ARF4: variants seen among roughly 807,000 people sequenced by gnomAD.
The protein encoded by ARF4 is ADP-ribosylation factor 4.
ARF4 carries 5 observed loss-of-function variants against 24.3 expected under a neutral mutation model. The ratio of observed to expected loss-of-function variants is 0.21; its 90% confidence interval spans 0.11 to 0.43. ARF4 has a LOEUF of 0.43. Among genes scored for constraint, ARF4 ranks in the 20% least tolerant of loss-of-function variants. The probability of loss-of-function intolerance (pLI) is 1.00; values close to 1 mark genes in which losing one functional copy is unlikely to be tolerated. For missense variants in ARF4, 107 were observed against 213.0 expected (o/e 0.50, Z 3.10); for synonymous variants, 62 against 73.5 (o/e 0.84, Z 0.80).
intron 1 of ARF4, among the ~76,000 whole-genome samples, chr3:57,589,422 T>G (rs974508861): frequency 6.6e-6 from 1 of 151,848 alleles, no homozygotes; most frequent in Non-Finnish European, 1.5e-5. Context: ...AGCAAGATCC[T>G]GTCTCAAACA....
chr3:57,587,940 A>C (rs189466266), intron 1 of ARF4, among the ~76,000 whole-genome samples: 1 of 152,356 alleles, frequency 6.6e-6, no homozygotes, highest in African/African-American at 2.4e-5. Context: ...TATAAGCTTT[A>C]ATGCACGAAT....
intron 4 of ARF4, among the ~76,000 whole-genome samples, chr3:57,576,405 A>T (rs1196813420): frequency 6.6e-6 from 1 of 150,964 alleles, no homozygotes; most frequent in Non-Finnish European, 1.5e-5. Flanking sequence ...CTAGTATTAG[A>T]TTGTGATGAT....
chr3:57,596,836 G>A (rs2153409705), intron 1 of ARF4: 1 of 519,558 alleles, frequency 1.9e-6, no homozygotes, highest in East Asian at 3.4e-5. Flanking sequence ...AAAAAGCCGA[G>A]TCCAGAAAGA....
rs552513739 is a variant in ARF4, at chr3:57,571,494, A to C, written c.*718T>G. 9 of 152,764 alleles carry C rather than the reference A, an allele frequency of 5.9e-5. No homozygotes were observed. The South Asian group carries it at 1.9e-3, about 32-fold the overall frequency. 9.5% of individuals were successfully genotyped at this position (152,764 alleles called of 1,614,324 possible). On this transcript the variant is annotated 3_prime_UTR_variant, in exon 6 of 6. Transcript: ENST00000303436. ...GCCCAATAAACAAAACATCAGCAGA[A>C]CTATCATATACTGAGCAAAAAATCA...
chr3:57,588,788 C>T (rs1306957629), intron 1 of ARF4, among the ~76,000 whole-genome samples: 2 of 146,310 alleles, frequency 1.4e-5, no homozygotes, highest in Admixed American at 1.4e-4. Flanking sequence ...AAAACCCTGT[C>T]ACTACAAAAA....
At chr3:57,584,512 C>T in intron 1 of ARF4, 48 bp from the exon 2 acceptor site, 13 of 1,452,478 alleles carry the variant, frequency 9.0e-6, no homozygotes, top group Non-Finnish European at 1.2e-5. Flanking sequence ...AAGCACACTC[C>T]AAGAAATAAT....
At chr3:57,595,153 A>G (rs1258713806) in intron 1 of ARF4, among the ~76,000 whole-genome samples, 6 of 152,188 alleles carry the variant, frequency 3.9e-5, no homozygotes, top group Admixed American at 6.6e-5. Context: ...GCCTCCCAAT[A>G]TAGTAAATAT....
intron 5 of ARF4, 73 bp downstream of exon 5, chr3:57,575,475 G>A: frequency 1.4e-6 from 2 of 1,426,308 alleles, no homozygotes; most frequent in Non-Finnish European, 1.9e-6. Context: ...TGTTTAAACT[G>A]AATATTAGCT....
intron 1 of ARF4, among the ~76,000 whole-genome samples, chr3:57,588,067 G>C (rs1400820286): frequency 6.6e-6 from 1 of 152,056 alleles, no homozygotes. Flanking sequence ...TGCAATATTT[G>C]GCAATGAAAT....
chr3:57,582,660 C>A (rs897993804), intron 3 of ARF4, among the ~76,000 whole-genome samples: 5 of 152,102 alleles, frequency 3.3e-5, no homozygotes, highest in Non-Finnish European at 7.3e-5. Context: ...GCAATAAACC[C>A]CACTTGTATG....
chr3:57,597,067 C>G lies in ARF4; in HGVS notation c.67+7G>C, dbSNP rs534132637. On this transcript the variant is annotated splice_region_variant and intron_variant, in intron 1 of 5. Coordinates refer to ENST00000303436, the MANE Select transcript of ARF4 (RefSeq NM_001660.4). The stretch of plus-strand genomic sequence containing the variant: ...AGGTCCCGCCTGACTCGCAGCCCCT[C>G]ACTCACCCATCAAAATGCGCATCTG... The G allele has an allele frequency of 1.2e-6, 2 of 1,613,822 alleles. No homozygotes were observed. The highest frequency in any genetic ancestry group is 2.2e-5 in the South Asian group (2 of 91,076).
Position 57,571,430 on chromosome 3 carries a change from T to C in ARF4, c.*782A>G, listed in dbSNP as rs2069841677. 1 of 152,630 alleles carries C rather than the reference T, an allele frequency of 6.6e-6. No individual in the cohort carries two copies. The highest frequency in any genetic ancestry group is 2.4e-5 in the African/African-American group (1 of 41,448). 9.5% of individuals were successfully genotyped at this position (152,630 alleles called of 1,614,324 possible). On this transcript the variant is annotated 3_prime_UTR_variant, in exon 6 of 6. Transcript: ENST00000303436. The stretch of plus-strand genomic sequence containing the variant: ...TATGAAGAAAATGTATTCATCGAAT[T>C]TGATGAGTTTTCCAAAAACTCTTAA...
At chr3:57,580,219 C>T (rs1291321422) in intron 3 of ARF4, among the ~76,000 whole-genome samples, 1 of 152,034 alleles carries the variant, frequency 6.6e-6, no homozygotes, top group African/African-American at 2.4e-5. Context: ...CTTGACTATG[C>T]CTCGTCTAAA....
chr3:57,582,833 A>G lies in ARF4; in HGVS notation c.258+1065T>C, dbSNP rs1339527741. ...ATCGAGGTGGGACCAGGTTAAACAA[A>G]GGTAGAGTGAGAACAAACTCTCCCA... On this transcript the variant is annotated intron_variant, in intron 3 of 5. Coordinates refer to ENST00000303436, the MANE Select transcript of ARF4 (RefSeq NM_001660.4). 2.0e-5 allele frequency among the ~76,000 whole-genome samples: 3 copies of G among 152,254 alleles called. 1 individual carries two copies. Among genetic ancestry groups the G allele is most frequent in the South Asian group, 4.1e-4 (2 of 4,832 alleles).
chr3:57,580,764 C>T (rs2069960624), intron 3 of ARF4, among the ~76,000 whole-genome samples: 2 of 149,528 alleles, frequency 1.3e-5, no homozygotes, highest in South Asian at 2.1e-4. Context: ...GCTAACTTCC[C>T]ATTTTTATTC....
intron 5 of ARF4, among the ~76,000 whole-genome samples, chr3:57,573,210 AAAAAAG>A (rs1487128053): frequency 6.6e-6 from 1 of 151,748 alleles, no homozygotes; most frequent in East Asian, 1.9e-4. Context: ...TCAAAAAAAA[AAAAAAG>A]AAAGAAAGAA....
intron 3 of ARF4, among the ~76,000 whole-genome samples, chr3:57,580,127 T>A (rs1014235478): frequency 6.6e-6 from 1 of 152,094 alleles, no homozygotes; most frequent in African/African-American, 2.4e-5. Context: ...TAATGTTTGA[T>A]GCTTTGGGAG....
intron 5 of ARF4, among the ~76,000 whole-genome samples, chr3:57,575,082 T>C (rs549276155): frequency 6.6e-6 from 1 of 150,494 alleles, no homozygotes; most frequent in Admixed American, 6.6e-5. Context: ...ACTCCCGACC[T>C]CAGATGATCT....
At position 57,571,413 on chromosome 3, in the gene ARF4, A is replaced by T. The variant is rs1274415123; in HGVS notation, c.*799T>A. On this transcript the variant is annotated 3_prime_UTR_variant, in exon 6 of 6. Coordinates refer to ENST00000303436, the MANE Select transcript of ARF4 (RefSeq NM_001660.4). The stretch of plus-strand genomic sequence containing the variant: ...AATAATTCCAAATGGGTTATGAAGA[A>T]AATGTATTCATCGAATTTGATGAGT... 3.3e-5 allele frequency: 5 copies of T among 152,638 alleles called. No homozygotes were observed. Among genetic ancestry groups the T allele is most frequent in the African/African-American group, 1.2e-4 (5 of 41,450 alleles). The allele number at this position is 152,638 out of a possible 1,614,324, so 9.5% of individuals were successfully genotyped here.
Sources: gnomAD v4.1 joint callset for allele counts (sites outside exome capture counted in the v4.1 genomes callset) on GRCh38, gnomAD v4.1.1 for gene constraint, MANE v1.5 for transcripts, NCBI Gene and HGNC (gene_info 2026-07-23, HGNC 2026-07-21) for gene names.